The following BRAF variants were observed in gnomAD, a reference collection of about 807,000 sequenced individuals.
BRAF encodes serine/threonine-protein kinase B-raf.
BRAF carries 16 observed loss-of-function variants against 104.6 expected under a neutral mutation model. That is an observed-to-expected ratio of 0.15 (90% CI 0.10 to 0.23). BRAF has a LOEUF of 0.23. Among genes scored for constraint, BRAF ranks in the 10% least tolerant of loss-of-function variants. The pLI is 1.00. For missense variants in BRAF, 541 were observed against 937.3 expected, an observed-to-expected ratio of 0.58 and a Z score of 5.52; for synonymous variants, 310 against 341.6, an observed-to-expected ratio of 0.91 and a Z score of 1.02.
At chr7:140,713,639 C>T in the BRAF span, among the ~76,000 whole-genome samples, 29 of 152,284 alleles carry the variant, frequency 1.9e-4, no homozygotes, top group South Asian at 1.7e-3. Context: ...AGCTTTCTTC[C>T]GTTGCTGGTG....
intron 5 of BRAF, among the ~76,000 whole-genome samples, chr7:140,802,525 T>C (rs569599109): frequency 2.0e-5 from 3 of 152,200 alleles, no homozygotes; most frequent in African/African-American, 7.2e-5. Flanking sequence ...CTTGAACTCC[T>C]GACCTCAGGT....
chr7:140,792,622 C>T (rs1301363594), intron 8 of BRAF, among the ~76,000 whole-genome samples: 1 of 152,180 alleles, frequency 6.6e-6, no homozygotes, highest in Non-Finnish European at 1.5e-5. Flanking sequence ...GTTCCTAGAT[C>T]CAACCAGATG....
intron 1 of BRAF, among the ~76,000 whole-genome samples, chr7:140,922,672 C>T (rs1818354133): frequency 6.6e-6 from 1 of 152,164 alleles, no homozygotes; most frequent in African/African-American, 2.4e-5. Context: ...CTGGTTAAGA[C>T]AAAGGCATAT....
chr7:140,870,896 T>C (rs1281105275), intron 1 of BRAF, among the ~76,000 whole-genome samples: 3 of 151,480 alleles, frequency 2.0e-5, no homozygotes, highest in African/African-American at 7.3e-5. Context: ...AAAAGACTTT[T>C]AACAAATTTG....
intron 1 of BRAF, among the ~76,000 whole-genome samples, chr7:140,912,098 A>G (rs907430880): frequency 1.8e-4 from 28 of 152,356 alleles, no homozygotes; most frequent in African/African-American, 6.7e-4. Flanking sequence ...GGCTGCAGTG[A>G]GCTATGACTG....
At chr7:140,899,815 G>A (rs894301196) in intron 1 of BRAF, among the ~76,000 whole-genome samples, 2 of 152,142 alleles carry the variant, frequency 1.3e-5, no homozygotes, top group African/African-American at 4.8e-5. Context: ...CCTCCTGGTG[G>A]TGCCTTGTAC....
At chr7:140,895,974 C>T (rs1814842967) in intron 1 of BRAF, among the ~76,000 whole-genome samples, 1 of 152,212 alleles carries the variant, frequency 6.6e-6, no homozygotes, top group South Asian at 2.1e-4. Context: ...AACCTCCATA[C>T]TGATACAGTG....
chr7:140,883,265 CTG>C, intron 1 of BRAF, among the ~76,000 whole-genome samples: 1 of 152,114 alleles, frequency 6.6e-6, no homozygotes, highest in Non-Finnish European at 1.5e-5. Context: ...TCTTATCTTA[CTG>C]GATCCTATTT....
Position 140,777,046 on chromosome 7 carries a change from G to A in BRAF, c.1680C>T (p.Ser560=), listed in dbSNP as rs2129018509. 6.2e-7 allele frequency: 1 copy of A among 1,613,952 alleles called. No homozygotes were observed. Among genetic ancestry groups the A allele is most frequent in the South Asian group, 1.1e-5 (1 of 91,082 alleles). ...TAACAATAGCCAGTTGTGGCTTTGT[G>A]GAATAGCCCATGAAGAGTAGGATAT... The part of the protein sequence containing the change: ...HVNILLFMGY[S]TKPQLAIVTQ... Residue 560 remains serine, a synonymous_variant, in exon 14 of 20, where the codon TCC becomes TCT. Coordinates refer to ENST00000644969, the MANE Select transcript of BRAF (RefSeq NM_001374258.1).
rs200796950 is a variant in BRAF at position 140,736,072 on chromosome 7, C to CT, written c.2248-1303dup. Among the ~76,000 whole-genome samples the CT allele has an allele frequency of 6.7e-3, 931 of 139,754 alleles. 5 individuals are homozygous for CT. Among genetic ancestry groups the CT allele is most frequent in the African/African-American group, 0.015 (566 of 38,242 alleles). 91.7% of individuals were successfully genotyped at this position (139,754 alleles called of 152,430 possible). Reference sequence around the variant, plus strand: ...TTAGAGTCTATACTTTCTTCTGTACCTTTTTTTTTTTTTTTTGAGATGGAG... The same window carrying CT: ...TTAGAGTCTATACTTTCTTCTGTACCTTTTTTTTTTTTTTTTTGAGATGGAG... On this transcript the variant is annotated intron_variant, in intron 18 of 19. Coordinates refer to ENST00000644969, the MANE Select transcript of BRAF (RefSeq NM_001374258.1).
intron 1 of BRAF, among the ~76,000 whole-genome samples, chr7:140,858,853 A>G: frequency 6.6e-6 from 1 of 151,956 alleles, no homozygotes; most frequent in African/African-American, 2.4e-5. Context: ...ATAAAGAGGC[A>G]TAAGAATTAG....
intron 5 of BRAF, among the ~76,000 whole-genome samples, chr7:140,804,793 A>G (rs375999382): frequency 6.6e-6 from 1 of 151,748 alleles, no homozygotes; most frequent in Non-Finnish European, 1.5e-5. Flanking sequence ...CAACATCAAA[A>G]GTCTACTTTT....
chr7:140,753,667 A>C (rs928530234), intron 15 of BRAF: 20 of 338,642 alleles, frequency 5.9e-5, no homozygotes, highest in African/African-American at 3.8e-4. Context: ...AGAACCTAAA[A>C]CTTTCCCATT....
intron 18 of BRAF, among the ~76,000 whole-genome samples, chr7:140,736,736 C>T (rs1032378446): frequency 6.7e-6 from 1 of 149,968 alleles, no homozygotes; most frequent in Admixed American, 6.6e-5. Context: ...CTCTGTTTAA[C>T]CTTTTAAAGT....
chr7:140,820,288 T>C (rs758981888), intron 3 of BRAF, among the ~76,000 whole-genome samples: 8 of 152,298 alleles, frequency 5.3e-5, no homozygotes, highest in African/African-American at 1.9e-4. Flanking sequence ...TTTTCTGATA[T>C]TAAGTTATCG....
chr7:140,714,624 G>A (rs771973250), downstream of BRAF, among the ~76,000 whole-genome samples: 2 of 152,178 alleles, frequency 1.3e-5, no homozygotes, highest in Non-Finnish European at 2.9e-5. Context: ...GCTTCCCAAA[G>A]TGCTGAGATT....
rs1479111686 is a variant in BRAF at position 140,721,239 on chromosome 7, A to G, written c.*5255T>C. The G allele has an allele frequency of 2.7e-6, 3 of 1,101,050 alleles. No individual in the cohort carries two copies. The highest frequency in any genetic ancestry group is 4.6e-5 in the East Asian group (1 of 21,900). 68.2% of individuals were successfully genotyped at this position (1,101,050 alleles called of 1,614,324 possible). On this transcript the variant is annotated 3_prime_UTR_variant, in exon 20 of 20. Transcript: ENST00000644969. ...TAAAACTTAACAGTTGAAGTTGTGG[A>G]TGTTAAATAAAAGTACTTTAGTCAC...
intron 1 of BRAF, among the ~76,000 whole-genome samples, chr7:140,919,613 G>A (rs1817997619): frequency 6.6e-6 from 1 of 151,360 alleles, no homozygotes; most frequent in Non-Finnish European, 1.5e-5. Flanking sequence ...GATTTAGGCT[G>A]GAAAAATTGA....
chr7:140,726,755 T>G (rs527355736), intron 19 of BRAF, among the ~76,000 whole-genome samples: 1 of 152,334 alleles, frequency 6.6e-6, no homozygotes, highest in East Asian at 1.9e-4. Context: ...ATTTTCCAGT[T>G]GGGTTTTATG....
Sources: allele counts gnomAD v4.1 joint callset (sites outside exome capture counted in the v4.1 genomes callset), GRCh38; gene constraint gnomAD v4.1.1; transcripts MANE v1.5; gene names NCBI Gene and HGNC (gene_info 2026-07-23, HGNC 2026-07-21).